UNC13B: variants seen among roughly 807,000 people sequenced by gnomAD.
UNC13B encodes the protein unc-13 homolog B, also known as protein unc-13 homolog B.
A neutral mutation model predicts 211.0 loss-of-function variants in UNC13B; 144 were observed. The observed-to-expected ratio is 0.68, with a 90% CI of 0.60 to 0.78. The LOEUF (loss-of-function observed/expected upper bound fraction) is 0.78, where lower values mean the gene tolerates loss of function less well. Ranked by LOEUF, UNC13B falls within the 30% of genes least tolerant of loss-of-function variation. The pLI, the probability that UNC13B is intolerant of heterozygous loss-of-function variation, is 0.00. For missense variants in UNC13B, 1,777 were observed against 2,002.0 expected, an observed-to-expected ratio of 0.89 and a Z score of 2.14; for synonymous variants, 709 against 725.8, an observed-to-expected ratio of 0.98 and a Z score of 0.37.
At chr9:35,183,640 T>C (rs1190247485) in intron 1 of UNC13B, among the ~76,000 whole-genome samples, 1 of 108,424 alleles carries the variant, frequency 9.2e-6, no homozygotes, top group Non-Finnish European at 1.9e-5. Flanking sequence ...GAGGCACTCC[T>C]CACATCCCAG....
chr9:35,328,868 C>T (rs1378894212), intron 11 of UNC13B, among the ~76,000 whole-genome samples: 2 of 151,266 alleles, frequency 1.3e-5, no homozygotes, highest in South Asian at 4.2e-4. Flanking sequence ...CCTGGGTTCA[C>T]GCCATTCTCC....
chr9:35,177,860 A>G (rs1254299097), intron 1 of UNC13B, among the ~76,000 whole-genome samples: 1 of 152,252 alleles, frequency 6.6e-6, no homozygotes, highest in Non-Finnish European at 1.5e-5. Context: ...AATGGATTGT[A>G]GAAATTCCAA....
At chr9:35,329,512 G>A (rs1831247123) in intron 11 of UNC13B, among the ~76,000 whole-genome samples, 1 of 150,152 alleles carries the variant, frequency 6.7e-6, no homozygotes, top group Non-Finnish European at 1.5e-5. Context: ...TTTTGAGATA[G>A]GGTCTCACTC....
rs1213853184 is a variant in UNC13B, at chr9:35,330,960, T to A, written c.9414+16971T>A. On this transcript the variant is annotated intron_variant, in intron 11 of 39. Transcript: ENST00000635942. ...ACTGGCTGCGGGCCTTAGCTCCAAA[T>A]GGTAGGTATTTTCTGGGCATAGTAT... Among the ~76,000 whole-genome samples, 3 of 152,152 alleles carry A rather than the reference T, an allele frequency of 2.0e-5. 1 individual carries two copies. Among genetic ancestry groups the A allele is most frequent in the Admixed American group, 2.0e-4 (3 of 15,284 alleles).
At chr9:35,364,514 G>T (rs1426990802) in intron 11 of UNC13B, 1 of 1,535,704 alleles carries the variant, frequency 6.5e-7, no homozygotes, top group Non-Finnish European at 8.7e-7. Context: ...TAACCTTTCT[G>T]CCCTTTTTTC....
At chr9:35,362,593 A>G (rs1251100890) in intron 11 of UNC13B, among the ~76,000 whole-genome samples, 1 of 152,094 alleles carries the variant, frequency 6.6e-6, no homozygotes, top group Non-Finnish European at 1.5e-5. Context: ...GCGGATCACA[A>G]GGTCAGGAGA....
At chr9:35,202,799 T>G (rs1047087343) in intron 1 of UNC13B, among the ~76,000 whole-genome samples, 1 of 150,780 alleles carries the variant, frequency 6.6e-6, no homozygotes, top group African/African-American at 2.4e-5. Context: ...TTGACTTTTT[T>G]TTTTTTTTTT....
intron 2 of UNC13B, 33 bp from the exon 3 acceptor site, chr9:35,231,087 A>T (rs1825174763): frequency 7.1e-7 from 1 of 1,399,386 alleles, no homozygotes. Context: ...CTGAGCACTA[A>T]GTATTATGTC....
chr9:35,330,544 T>C (rs1037535694), intron 11 of UNC13B, among the ~76,000 whole-genome samples: 1 of 152,214 alleles, frequency 6.6e-6, no homozygotes, highest in South Asian at 2.1e-4. Flanking sequence ...GGTATGTTAG[T>C]GCTTCTCTGG....
At chr9:35,372,094 A>C (rs1292700586) in intron 13 of UNC13B, among the ~76,000 whole-genome samples, 1 of 152,194 alleles carries the variant, frequency 6.6e-6, no homozygotes, top group Non-Finnish European at 1.5e-5. Context: ...ACATAGTGAA[A>C]CACTGTTTCT....
intron 3 of UNC13B, among the ~76,000 whole-genome samples, chr9:35,234,806 C>T (rs529749746): frequency 6.6e-6 from 1 of 152,194 alleles, no homozygotes; most frequent in East Asian, 1.9e-4. Flanking sequence ...ATTTTCAACA[C>T]CTGACATGAA....
At chr9:35,282,307 A>G (rs1828542480) in intron 7 of UNC13B, among the ~76,000 whole-genome samples, 1 of 152,170 alleles carries the variant, frequency 6.6e-6, no homozygotes, top group South Asian at 2.1e-4. Flanking sequence ...AACTTTTATA[A>G]TAATTACTCT....
intron 1 of UNC13B, among the ~76,000 whole-genome samples, chr9:35,209,706 T>C (rs748536122): frequency 1.3e-5 from 2 of 152,242 alleles, no homozygotes; most frequent in Non-Finnish European, 2.9e-5. Flanking sequence ...AACTTGGCAA[T>C]GATATAGTTC....
At chr9:35,397,131 G>T (rs747813354) in intron 28 of UNC13B, 36 bp from the exon 29 acceptor site, 2 of 1,611,112 alleles carry the variant, frequency 1.2e-6, no homozygotes, top group Middle Eastern at 1.7e-4. Flanking sequence ...AAAGATAGCA[G>T]CTGTGGATGG....
In UNC13B at chr9:35,295,807, T is replaced by C; in HGVS notation, c.638T>C (p.Val213Ala). 6.2e-7 allele frequency: 1 copy of C among 1,614,184 alleles called. No individual in the cohort carries two copies. Among genetic ancestry groups the C allele is most frequent in the Non-Finnish European group, 8.5e-7 (1 of 1,180,032 alleles). The stretch of plus-strand genomic sequence containing the variant: ...ACAGCTTCCCAGCCCAACGCTTCTG[T>C]GCACCAGTTCCCTGTGCCGGTGCGA... ...YHTASQPNAS[V>A]HQFPVPVRSP... The change falls in exon 8 of 40, where the codon GTG becomes GCG. Residue 213 changes from valine to alanine, a missense_variant. Val to Ala is a moderately conservative substitution (Grantham distance 64, BLOSUM62 0). Transcript: ENST00000635942.
chr9:35,376,135 T>C lies in UNC13B; in HGVS notation c.9723T>C (p.Tyr3241=). 6.2e-7 allele frequency: 1 copy of C among 1,614,230 alleles called. No individual in the cohort carries two copies. The highest frequency in any genetic ancestry group is 8.5e-7 in the Non-Finnish European group (1 of 1,180,050). ...CGGCCACTACCCCAACCTACTGCTA[T>C]GAGTGTGAAGGCCTGCTCTGGGGCA... ...VWTATTPTYC[Y]ECEGLLWGIA... The change falls in exon 15 of 40, where the codon TAT becomes TAC. Residue 3241 remains tyrosine, a synonymous_variant. Coordinates refer to ENST00000635942, the MANE Select transcript of UNC13B (RefSeq NM_001371189.2).
At chr9:35,380,319 C>T in intron 17 of UNC13B, 151 bp from the exon 18 acceptor site, 1 of 842,382 alleles carries the variant, frequency 1.2e-6, no homozygotes, top group Non-Finnish European at 1.8e-6. Context: ...GATAGCCCAA[C>T]TTTCTTGGAA....
At chr9:35,195,178 T>G (rs1372207810) in intron 1 of UNC13B, among the ~76,000 whole-genome samples, 1 of 152,178 alleles carries the variant, frequency 6.6e-6, no homozygotes, top group Non-Finnish European at 1.5e-5. Context: ...GGAGCCACTA[T>G]TTTGAACATG....
At position 35,304,684 on chromosome 9, in the gene UNC13B, C is replaced by T. The variant is rs2131838181; in HGVS notation, c.5280C>T (p.Ala1760=). The T allele has an allele frequency of 2.5e-6, 1 of 398,756 alleles. No homozygotes were observed. The highest frequency in any genetic ancestry group is 4.4e-6 in the Non-Finnish European group (1 of 225,940). The allele number at this position is 398,756 out of a possible 1,614,324, so 24.7% of individuals were successfully genotyped here. A position where few individuals can be genotyped will look rare whatever the true frequency, so the allele number is the denominator to read the frequency against. ...CTTCAGTATTTTCTGTTTTGGGTGCCTCAGTTGGTAGTACTTTGAAGTTTG... is the reference window on the plus strand; with the variant it reads ...CTTCAGTATTTTCTGTTTTGGGTGCTTCAGTTGGTAGTACTTTGAAGTTTG... ...KVASVFSVLG[A]SVGSTLKFDK... Residue 1760 remains alanine, a synonymous_variant, in exon 9 of 40, where the codon GCC becomes GCT. Transcript: ENST00000635942.
Sources: allele counts gnomAD v4.1 joint callset (sites outside exome capture counted in the v4.1 genomes callset), GRCh38; gene constraint gnomAD v4.1.1; transcripts MANE v1.5; gene names NCBI Gene and HGNC (gene_info 2026-07-23, HGNC 2026-07-21).